Variants in TACR3 observed in about 807,000 individuals in gnomAD.
TACR3 encodes the protein neuromedin-K receptor.
In TACR3, 34 loss-of-function variants were observed where a neutral mutation model predicts 35.0. The ratio of observed to expected loss-of-function variants is 0.97; its 90% CI spans 0.74 to 1.30. TACR3 has a LOEUF of 1.30. Ranked by LOEUF, TACR3 falls within the 50% of genes most tolerant of loss-of-function variation. The probability of loss-of-function intolerance (pLI) is 0.00; values close to 1 mark genes in which losing one functional copy is unlikely to be tolerated. For synonymous variants in TACR3, 233 were observed against 221.1 expected (o/e 1.05, Z -0.48); for missense variants, 558 against 591.7 (o/e 0.94, Z 0.59).
At chr4:103,664,617 C>T (rs1337264978) in intron 1 of TACR3, among the ~76,000 whole-genome samples, 1 of 152,164 alleles carries the variant, frequency 6.6e-6, no homozygotes, top group South Asian at 2.1e-4. Flanking sequence ...GGTCTGGCTA[C>T]TCTCTGTGCA....
intron 1 of TACR3, among the ~76,000 whole-genome samples, chr4:103,675,647 G>C (rs755256991): frequency 6.6e-6 from 1 of 152,148 alleles, no homozygotes; most frequent in East Asian, 1.9e-4. Flanking sequence ...TCTAGGAGAT[G>C]AACATCCAAT....
At chr4:103,707,808 C>T (rs1284303507) in intron 1 of TACR3, among the ~76,000 whole-genome samples, 13 of 152,168 alleles carry the variant, frequency 8.5e-5, no homozygotes, top group African/African-American at 3.1e-4. Context: ...CACCCTAATA[C>T]TGCACTTTTC....
At chr4:103,617,228 T>C (rs1724679542) in intron 3 of TACR3, among the ~76,000 whole-genome samples, 1 of 147,304 alleles carries the variant, frequency 6.8e-6, no homozygotes, top group Admixed American at 6.7e-5. Context: ...GATAAACATA[T>C]TAAGGTATCT....
chr4:103,662,737 C>G (rs1203846634), intron 1 of TACR3, among the ~76,000 whole-genome samples: 2 of 152,064 alleles, frequency 1.3e-5, no homozygotes, highest in East Asian at 3.9e-4. Context: ...TATGTGAAGA[C>G]AGAAGATTGA....
At chr4:103,625,585 G>A (rs1041910468) in intron 3 of TACR3, among the ~76,000 whole-genome samples, 3 of 151,718 alleles carry the variant, frequency 2.0e-5, no homozygotes, top group Non-Finnish European at 2.9e-5. Context: ...AGTAGGGGGT[G>A]GGGGGTTGTA....
chr4:103,619,018 G>A (rs570712768), intron 3 of TACR3, among the ~76,000 whole-genome samples: 1 of 152,162 alleles, frequency 6.6e-6, no homozygotes, highest in Non-Finnish European at 1.5e-5. Context: ...ATTTCACGTA[G>A]AGAATAATGC....
At chr4:103,635,350 G>A (rs985023096) in intron 3 of TACR3, among the ~76,000 whole-genome samples, 2 of 151,864 alleles carry the variant, frequency 1.3e-5, no homozygotes, top group Admixed American at 1.3e-4. Flanking sequence ...TATAGCGACT[G>A]GAGTCTTATC....
intron 1 of TACR3, among the ~76,000 whole-genome samples, chr4:103,688,491 C>G (rs1490689503): frequency 6.6e-6 from 1 of 150,714 alleles, no homozygotes; most frequent in African/African-American, 2.4e-5. Context: ...ATTTTCGCAA[C>G]CTACTCATCT....
At chr4:103,631,789 T>C (rs77789095) in intron 3 of TACR3, among the ~76,000 whole-genome samples, 16,461 of 152,232 alleles carry the variant, frequency 0.11, 920 homozygotes, top group African/African-American at 0.12. Context: ...TCCATCCATC[T>C]GGCATTATGC....
chr4:103,597,685 G>A (rs1724068342), intron 3 of TACR3, among the ~76,000 whole-genome samples: 1 of 148,380 alleles, frequency 6.7e-6, no homozygotes, highest in Non-Finnish European at 1.5e-5. Flanking sequence ...ATTCCCACCT[G>A]TGAGTGAGAA....
At chr4:103,648,988 G>T (rs1725523611) in intron 3 of TACR3, among the ~76,000 whole-genome samples, 1 of 152,048 alleles carries the variant, frequency 6.6e-6, no homozygotes, top group Non-Finnish European at 1.5e-5. Context: ...TTTAGTTGGG[G>T]TAAAATGATA....
chr4:103,692,839 A>G (rs1015518136), intron 1 of TACR3, among the ~76,000 whole-genome samples: 1 of 152,160 alleles, frequency 6.6e-6, no homozygotes, highest in Non-Finnish European at 1.5e-5. Flanking sequence ...GCTAAGGGAG[A>G]GTCATTGCCC....
At chr4:103,608,054 T>C (rs1296552605) in intron 3 of TACR3, among the ~76,000 whole-genome samples, 3 of 152,092 alleles carry the variant, frequency 2.0e-5, no homozygotes, top group Admixed American at 6.6e-5. Context: ...TGAAATATTA[T>C]TGGATACATA....
chr4:103,645,852 G>A (rs1050357735), intron 3 of TACR3, among the ~76,000 whole-genome samples: 5 of 151,758 alleles, frequency 3.3e-5, no homozygotes, highest in East Asian at 3.9e-4. Context: ...TTCAGCAAAC[G>A]GAGCATAATA....
At chr4:103,646,416 A>G (rs934410107) in intron 3 of TACR3, among the ~76,000 whole-genome samples, 2 of 152,028 alleles carry the variant, frequency 1.3e-5, no homozygotes, top group African/African-American at 4.8e-5. Flanking sequence ...TCCATTCTCT[A>G]TATAGACACC....
chr4:103,626,671 T>C lies in TACR3; in HGVS notation c.888+29523A>G, dbSNP rs150106423. 4.1e-3 allele frequency among the ~76,000 whole-genome samples: 627 copies of C among 152,242 alleles called. 5 individuals carry two copies. The highest frequency in any genetic ancestry group is 6.8e-3 in the Middle Eastern group (2 of 294). ...TTGATAAATATAGTCCTACAAAACA[T>C]TGAAGTAGTTTTCTCCGGTATGAAA... On this transcript the variant is annotated intron_variant, in intron 3 of 4. Transcript: ENST00000304883.
intron 1 of TACR3, among the ~76,000 whole-genome samples, chr4:103,687,232 T>G (rs1185873728): frequency 2.0e-5 from 3 of 152,148 alleles, no homozygotes; most frequent in Non-Finnish European, 4.4e-5. Flanking sequence ...AATTACGTAT[T>G]GATGGGACGT....
chr4:103,648,107 T>C (rs896515012), intron 3 of TACR3, among the ~76,000 whole-genome samples: 2 of 151,964 alleles, frequency 1.3e-5, no homozygotes, highest in Non-Finnish European at 2.9e-5. Flanking sequence ...TTTTCAGCTC[T>C]TATATATTCT....
intron 1 of TACR3, among the ~76,000 whole-genome samples, chr4:103,702,013 C>A (rs370533385): frequency 6.6e-6 from 1 of 152,114 alleles, no homozygotes; most frequent in Non-Finnish European, 1.5e-5. Flanking sequence ...GTCTAAAACA[C>A]CAAAAGCAAT....
Sources: allele counts gnomAD v4.1 joint callset (sites outside exome capture counted in the v4.1 genomes callset), GRCh38; gene constraint gnomAD v4.1.1; transcripts MANE v1.5; gene names NCBI Gene and HGNC (gene_info 2026-07-23, HGNC 2026-07-21).